STAT4: variants seen among roughly 807,000 people sequenced by gnomAD.
The protein encoded by STAT4 is signal transducer and activator of transcription 4.
STAT4 carries 42 observed loss-of-function variants against 110.5 expected under a neutral mutation model. The ratio of observed to expected loss-of-function variants is 0.38; its 90% CI spans 0.30 to 0.49. STAT4 has a LOEUF of 0.49. STAT4 is among the 20% of genes least tolerant of loss of function. The pLI is 0.95. For missense variants in STAT4, 632 were observed against 887.9 expected (o/e 0.71, Z 3.66); for synonymous variants, 284 against 302.2 (o/e 0.94, Z 0.63).
rs916003249 is a variant in STAT4, at chr2:191,117,996, C to G, written c.273+28617G>C. The stretch of plus-strand genomic sequence containing the variant: ...ATCCTCCAAAGAGAACCAAATGCAA[C>G]AAACCAATGCTTCTATCAAAATAAA... On this transcript the variant is annotated intron_variant, in intron 3 of 23. Coordinates refer to ENST00000392320, the MANE Select transcript of STAT4 (RefSeq NM_003151.4). This position sits in a 1 kb window ranked among gnomAD's most constrained non-coding sequence, Gnocchi z 5.2. Among the ~76,000 whole-genome samples the G allele has an allele frequency of 6.6e-6, 1 of 152,138 alleles. No homozygotes were observed. Among genetic ancestry groups the G allele is most frequent in the Non-Finnish European group, 1.5e-5 (1 of 68,022 alleles).
chr2:191,150,972 A>AG lies in STAT4; in HGVS notation c.-28dup. On this transcript the variant is annotated 5_prime_UTR_variant, in exon 1 of 24. Transcript: ENST00000392320. This position sits in a 1 kb window ranked among gnomAD's most constrained non-coding sequence, Gnocchi z 6.4. ...CTAGCGCTCTCTCAGCACAGGTCCCAGGCAGTGCTCAAGTCCAAAGTCAGA... is the reference window on the plus strand; with the variant it reads ...CTAGCGCTCTCTCAGCACAGGTCCCAGGGCAGTGCTCAAGTCCAAAGTCAGA... 1 of 985,792 alleles carries AG rather than the reference A, an allele frequency of 1.0e-6. No homozygotes were observed. Among genetic ancestry groups the AG allele is most frequent in the Non-Finnish European group, 1.2e-6 (1 of 830,146 alleles). The allele number at this position is 985,792 out of a possible 1,614,324, so 61.1% of individuals were successfully genotyped here. A position where few individuals can be genotyped will look rare whatever the true frequency, so the allele number is the denominator to read the frequency against.
intron 3 of STAT4, among the ~76,000 whole-genome samples, chr2:191,139,488 C>T (rs1223152964): frequency 6.6e-6 from 1 of 152,146 alleles, no homozygotes; most frequent in Admixed American, 6.6e-5. Flanking sequence ...ATAACTCAAT[C>T]CCTTTTACAA....
chr2:191,095,221 A>G (rs966380872), intron 3 of STAT4, among the ~76,000 whole-genome samples: 4 of 152,182 alleles, frequency 2.6e-5, no homozygotes, highest in African/African-American at 9.7e-5. Flanking sequence ...ACAGGTTAAC[A>G]AGGATATCCA....
At chr2:191,108,373 C>T (rs1281546251) in intron 3 of STAT4, among the ~76,000 whole-genome samples, 1 of 151,160 alleles carries the variant, frequency 6.6e-6, no homozygotes, top group African/African-American at 2.4e-5. Flanking sequence ...AAAAAGTAAA[C>T]ATTATAACTA....
At chr2:191,109,846 C>T (rs1227208836) in intron 3 of STAT4, among the ~76,000 whole-genome samples, 1 of 152,164 alleles carries the variant, frequency 6.6e-6, no homozygotes, top group South Asian at 2.1e-4. Flanking sequence ...CTCCAAGGGT[C>T]CCATGATGGG....
At position 191,062,617 on chromosome 2, in the gene STAT4, TA is replaced by T; in HGVS notation, c.941+144del. On this transcript the variant is annotated intron_variant, in intron 9 of 23. Coordinates refer to ENST00000392320, the MANE Select transcript of STAT4 (RefSeq NM_003151.4). This position sits in a 1 kb window ranked among gnomAD's most constrained non-coding sequence, Gnocchi z 4.9. Reference sequence around the variant, plus strand: ...TAGTGAAGAGTAGAAATGTGGTTTCTAAAACTTTCTGGGGTTCTATTCACTT... The same window carrying T: ...TAGTGAAGAGTAGAAATGTGGTTTCTAAACTTTCTGGGGTTCTATTCACTT... 1 of 822,040 alleles carries T rather than the reference TA, an allele frequency of 1.2e-6. No homozygotes were observed. The highest frequency in any genetic ancestry group is 1.9e-6 in the Non-Finnish European group (1 of 535,678). 50.9% of individuals were successfully genotyped at this position (822,040 alleles called of 1,614,324 possible). A position where few individuals can be genotyped will look rare whatever the true frequency, so the allele number is the denominator to read the frequency against.
intron 3 of STAT4, among the ~76,000 whole-genome samples, chr2:191,114,096 T>C (rs1378461537): frequency 6.6e-6 from 1 of 152,218 alleles, no homozygotes; most frequent in Admixed American, 6.5e-5. Flanking sequence ...CTTTTTAGAC[T>C]TAGTGTATCT....
chr2:191,114,628 C>T (rs1013105135), intron 3 of STAT4, among the ~76,000 whole-genome samples: 1 of 152,102 alleles, frequency 6.6e-6, no homozygotes, highest in East Asian at 1.9e-4. Context: ...AGTGACAACA[C>T]CATCATGACA....
At position 191,042,124 on chromosome 2, in the gene STAT4, A is replaced by G. The variant is rs1696217731; in HGVS notation, c.1252-976T>C. 1.3e-5 allele frequency among the ~76,000 whole-genome samples: 2 copies of G among 152,154 alleles called. No individual in the cohort carries two copies. Among genetic ancestry groups the G allele is most frequent in the Admixed American group, 6.5e-5 (1 of 15,284 alleles). On this transcript the variant is annotated intron_variant, in intron 14 of 23. Transcript: ENST00000392320. The surrounding 1 kb of genome is among the most constrained non-coding windows in gnomAD (Gnocchi z 4.2). ...CCTTCTATACCCAACACCGTCCTCC[A>G]ACACCCCTTTGAAACAGCCAGATTC... is the stretch of plus-strand genomic sequence containing the variant.
chr2:191,034,603 A>G lies in STAT4; in HGVS notation c.1571-6T>C. 6.2e-7 allele frequency: 1 copy of G among 1,611,324 alleles called. No homozygotes were observed. The highest frequency in any genetic ancestry group is 8.5e-7 in the Non-Finnish European group (1 of 1,177,546). ...ATCACTGTAGCTAGATTGGACTGAA[A>G]TGAAAGAAAAGAATGAAATTTTTCA... On this transcript the variant is annotated splice_region_variant and splice_polypyrimidine_tract_variant and intron_variant, in intron 17 of 23. Transcript: ENST00000392320.
Position 191,077,033 on chromosome 2 carries a change from T to C in STAT4, c.274-708A>G, listed in dbSNP as rs1697334504. On this transcript the variant is annotated intron_variant, in intron 3 of 23. Coordinates refer to ENST00000392320, the MANE Select transcript of STAT4 (RefSeq NM_003151.4). This position sits in a 1 kb window ranked among gnomAD's most constrained non-coding sequence, Gnocchi z 4.1. The stretch of plus-strand genomic sequence containing the variant: ...AGCATTTGTTTCTGTCCCTATTTGG[T>C]ACTGTTTGTGTCAACTAGCTCATAG... Among the ~76,000 whole-genome samples, 1 of 152,198 alleles carries C rather than the reference T, an allele frequency of 6.6e-6. No individual in the cohort carries two copies. Among genetic ancestry groups the C allele is most frequent in the African/African-American group, 2.4e-5 (1 of 41,458 alleles).
At position 191,099,188 on chromosome 2, in the gene STAT4, G is replaced by A. The variant is rs1206039514; in HGVS notation, c.274-22863C>T. ...ATAGTATTTCCCAAAAAGTCAGGTT[G>A]ACAAAAATAAAAAAGAATGATAATA... On this transcript the variant is annotated intron_variant, in intron 3 of 23. Transcript: ENST00000392320. This position sits in a 1 kb window ranked among gnomAD's most constrained non-coding sequence, Gnocchi z 4.1. Among the ~76,000 whole-genome samples, 1 of 151,908 alleles carries A rather than the reference G, an allele frequency of 6.6e-6. No individual in the cohort carries two copies. Among genetic ancestry groups the A allele is most frequent in the Non-Finnish European group, 1.5e-5 (1 of 67,934 alleles).
intron 3 of STAT4, among the ~76,000 whole-genome samples, chr2:191,103,675 A>G (rs1698203607): frequency 2.0e-5 from 3 of 152,184 alleles, no homozygotes; most frequent in Admixed American, 2.0e-4. Flanking sequence ...AACAAATTAG[A>G]TTTTAATATA....
intron 3 of STAT4, among the ~76,000 whole-genome samples, chr2:191,129,178 T>C (rs536748080): frequency 6.6e-6 from 1 of 152,104 alleles, no homozygotes; most frequent in African/African-American, 2.4e-5. Context: ...AGTGTAAAAA[T>C]GAAGACATGA....
At chr2:191,127,716 C>A (rs567071669) in intron 3 of STAT4, among the ~76,000 whole-genome samples, 95 of 152,282 alleles carry the variant, frequency 6.2e-4, no homozygotes, top group African/African-American at 2.0e-3. Context: ...GAAATCCAAG[C>A]TGTCACTGGA....
intron 3 of STAT4, among the ~76,000 whole-genome samples, chr2:191,097,803 A>G (rs1419803116): frequency 6.6e-6 from 1 of 152,218 alleles, no homozygotes; most frequent in Admixed American, 6.5e-5. Context: ...TCAGCACAGC[A>G]AAAGACACTA....
chr2:191,141,166 AT>A (rs1238143866), intron 3 of STAT4, among the ~76,000 whole-genome samples: 33 of 152,048 alleles, frequency 2.2e-4, no homozygotes, highest in Non-Finnish European at 4.4e-5. Flanking sequence ...GTGCACTAAA[AT>A]TTTAGAAGTC....
At position 191,135,654 on chromosome 2, in the gene STAT4, G is replaced by C. The variant is rs915236701; in HGVS notation, c.273+10959C>G. ...GCTAATTTTTTGTATTTTTAGTAGA[G>C]ACAGGGTTTCACCATGTTGGCTGCA... On this transcript the variant is annotated intron_variant, in intron 3 of 23. Coordinates refer to ENST00000392320, the MANE Select transcript of STAT4 (RefSeq NM_003151.4). This position sits in a 1 kb window ranked among gnomAD's most constrained non-coding sequence, Gnocchi z 4.8. 6.6e-6 allele frequency among the ~76,000 whole-genome samples: 1 copy of C among 152,086 alleles called. No individual in the cohort carries two copies. Among genetic ancestry groups the C allele is most frequent in the Non-Finnish European group, 1.5e-5 (1 of 68,020 alleles).
At chr2:191,115,788 A>G (rs1395703499) in intron 3 of STAT4, among the ~76,000 whole-genome samples, 1 of 152,202 alleles carries the variant, frequency 6.6e-6, no homozygotes, top group Non-Finnish European at 1.5e-5. Flanking sequence ...CAATGCATAG[A>G]CAGTGAAGAA....
Sources: allele counts gnomAD v4.1 joint callset (sites outside exome capture counted in the v4.1 genomes callset), GRCh38; gene constraint gnomAD v4.1.1; non-coding constraint Gnocchi (gnomAD v3.1); transcripts MANE v1.5; gene names NCBI Gene and HGNC (gene_info 2026-07-23, HGNC 2026-07-21).